Variants in KIAA1217 observed in about 807,000 individuals in gnomAD.
KIAA1217 encodes the protein sickle tail protein homolog.
A neutral mutation model predicts 163.9 loss-of-function variants in KIAA1217; 88 were observed. The ratio of observed to expected loss-of-function variants is 0.54; its 90% CI spans 0.45 to 0.64. KIAA1217 has a LOEUF of 0.64. Ranked by LOEUF, KIAA1217 falls within the 30% of genes least tolerant of loss-of-function variation. The probability of loss-of-function intolerance (pLI) is 0.00; values close to 1 mark genes in which losing one functional copy is unlikely to be tolerated. For missense variants in KIAA1217, 2,372 were observed against 2,475.0 expected (o/e 0.96, Z 0.88); for synonymous variants, 903 against 923.1 (o/e 0.98, Z 0.39).
intron 1 of KIAA1217, among the ~76,000 whole-genome samples, chr10:23,756,258 C>T (rs1030054703): frequency 9.9e-5 from 15 of 152,006 alleles, no homozygotes; most frequent in Admixed American, 9.8e-4. Context: ...CCACCACACC[C>T]AGCCTGAGTC....
chr10:24,019,894 G>A (rs1426932436), intron 2 of KIAA1217, among the ~76,000 whole-genome samples: 1 of 151,836 alleles, frequency 6.6e-6, no homozygotes, highest in Admixed American at 6.6e-5. Context: ...AATTTTTCAG[G>A]AATAAGTAAA....
chr10:24,392,109 T>C (rs1024605816), intron 3 of KIAA1217, among the ~76,000 whole-genome samples: 1 of 152,180 alleles, frequency 6.6e-6, no homozygotes, highest in Non-Finnish European at 1.5e-5. Context: ...GGGTAAAATA[T>C]GTGTTCCAGA....
intron 1 of KIAA1217, among the ~76,000 whole-genome samples, chr10:23,988,314 G>A (rs1021897399): frequency 6.6e-6 from 1 of 152,138 alleles, no homozygotes; most frequent in Non-Finnish European, 1.5e-5. Flanking sequence ...GCACTTTAAG[G>A]CGTTCCTATA....
At chr10:24,228,505 C>T (rs1022129130) in intron 2 of KIAA1217, among the ~76,000 whole-genome samples, 1 of 152,222 alleles carries the variant, frequency 6.6e-6, no homozygotes, top group Non-Finnish European at 1.5e-5. Flanking sequence ...CTTACACACA[C>T]AAATCTTATT....
Position 23,828,198 on chromosome 10 carries a change from A to G in KIAA1217, c.-321+132964A>G, listed in dbSNP as rs117916601. Among the ~76,000 whole-genome samples, 180 of 152,310 alleles carry G rather than the reference A, an allele frequency of 1.2e-3. 1 individual carries two copies. In the East Asian group the frequency reaches 0.033, roughly 28 times the overall value. ...TATGCCAAACTCTGAAAATCTCCCCAAAACACAGAAGCCTTCTTGATTCCT... is the reference window on the plus strand; with the variant it reads ...TATGCCAAACTCTGAAAATCTCCCCGAAACACAGAAGCCTTCTTGATTCCT... On this transcript the variant is annotated intron_variant, in intron 1 of 18. Transcript: ENST00000376462.
chr10:24,175,443 ATGTGTG>A (rs137918207), intron 2 of KIAA1217, among the ~76,000 whole-genome samples: 3,642 of 149,988 alleles, frequency 0.024, 69 homozygotes, highest in South Asian at 0.058. Context: ...GTGTATATAT[ATGTGTG>A]TGTGTGTGTG....
intron 5 of KIAA1217, among the ~76,000 whole-genome samples, chr10:24,464,391 T>G (rs1016522566): frequency 2.0e-5 from 3 of 152,164 alleles, no homozygotes; most frequent in South Asian, 2.1e-4. Context: ...ACTAGACTTC[T>G]TCTCGCATTG....
chr10:23,836,328 C>G (rs1322930004), intron 1 of KIAA1217, among the ~76,000 whole-genome samples: 2 of 151,952 alleles, frequency 1.3e-5, no homozygotes, highest in Admixed American at 1.3e-4. Flanking sequence ...CTTCATTTAT[C>G]TCCCTGGGCC....
intron 1 of KIAA1217, among the ~76,000 whole-genome samples, chr10:24,214,494 C>A (rs1203675276): frequency 1.3e-5 from 2 of 152,134 alleles, no homozygotes; most frequent in Non-Finnish European, 2.9e-5. Context: ...TTTGGGAGGT[C>A]TAGGGGCCCC....
intron 2 of KIAA1217, among the ~76,000 whole-genome samples, chr10:24,342,596 C>T (rs1185087894): frequency 6.6e-6 from 1 of 151,756 alleles, no homozygotes; most frequent in African/African-American, 2.4e-5. Context: ...TGTCGCTTCT[C>T]CACTTAGTGA....
intron 1 of KIAA1217, among the ~76,000 whole-genome samples, chr10:23,981,343 C>T (rs1324195830): frequency 6.6e-6 from 1 of 152,148 alleles, no homozygotes; most frequent in African/African-American, 2.4e-5. Context: ...TGAGTTACAA[C>T]CACAATTTTA....
chr10:24,162,871 C>T (rs895394684), intron 2 of KIAA1217, among the ~76,000 whole-genome samples: 4 of 152,154 alleles, frequency 2.6e-5, no homozygotes, highest in Admixed American at 6.6e-5. Flanking sequence ...TGTCTCACTT[C>T]CTTGCTATGT....
chr10:23,850,480 A>G (rs1043884127), intron 1 of KIAA1217, among the ~76,000 whole-genome samples: 1 of 152,198 alleles, frequency 6.6e-6, no homozygotes, highest in East Asian at 1.9e-4. Flanking sequence ...GGAGAGGATG[A>G]TTTTCCTCTG....
intron 1 of KIAA1217, among the ~76,000 whole-genome samples, chr10:23,777,486 A>G (rs999580778): frequency 6.6e-6 from 1 of 152,210 alleles, no homozygotes; most frequent in Non-Finnish European, 1.5e-5. Context: ...CATTCACAAC[A>G]TTTTACAAGA....
chr10:23,882,332 T>C (rs914437302), intron 1 of KIAA1217, among the ~76,000 whole-genome samples: 10 of 151,834 alleles, frequency 6.6e-5, no homozygotes, highest in African/African-American at 9.7e-5. Context: ...TGTTAATCAA[T>C]AGTTGCATGA....
intron 1 of KIAA1217, among the ~76,000 whole-genome samples, chr10:23,767,540 A>G (rs948320756): frequency 6.6e-6 from 1 of 152,182 alleles, no homozygotes. Flanking sequence ...GTTTGAGACC[A>G]GACTGGGAAA....
intron 3 of KIAA1217, among the ~76,000 whole-genome samples, chr10:24,398,375 G>A (rs1286607927): frequency 6.6e-6 from 1 of 152,148 alleles, no homozygotes; most frequent in Non-Finnish European, 1.5e-5. Flanking sequence ...AGAAGCAAAA[G>A]GAAATCCACA....
intron 2 of KIAA1217, among the ~76,000 whole-genome samples, chr10:24,039,626 A>C (rs1235106727): frequency 1.3e-5 from 2 of 152,166 alleles, no homozygotes; most frequent in Non-Finnish European, 2.9e-5. Context: ...GGGTACATCC[A>C]GTGCATTTTT....
intron 1 of KIAA1217, among the ~76,000 whole-genome samples, chr10:23,699,473 T>C (rs1460004394): frequency 2.0e-5 from 3 of 152,186 alleles, no homozygotes; most frequent in Admixed American, 6.5e-5. Context: ...TTGTGCTCTC[T>C]TCTCCATTGG....
Sources: allele counts gnomAD v4.1 joint callset (sites outside exome capture counted in the v4.1 genomes callset), GRCh38; gene constraint gnomAD v4.1.1; transcripts MANE v1.5; gene names NCBI Gene and HGNC (gene_info 2026-07-23, HGNC 2026-07-21).